The following CATSPERT variants were observed in gnomAD, a reference collection of about 807,000 sequenced individuals.
CATSPERT encodes the protein catsper channel auxiliary subunit tau.
the CATSPERT span, among the ~76,000 whole-genome samples, chr2:201,609,550 G>C: frequency 6.6e-6 from 1 of 152,158 alleles, no homozygotes; most frequent in Non-Finnish European, 1.5e-5. Context: ...TTTGGAAACT[G>C]TACAAACACA....
chr2:201,493,877 T>C, the CATSPERT span: 1 of 1,537,040 alleles, frequency 6.5e-7, no homozygotes, highest in Admixed American at 2.0e-5. Context: ...AAGTGTTTTT[T>C]AGAGACATGT....
chr2:201,574,963 T>C, the CATSPERT span, among the ~76,000 whole-genome samples: 8 of 150,694 alleles, frequency 5.3e-5, no homozygotes, highest in African/African-American at 1.7e-4. Context: ...AGGCTATGCA[T>C]GTCAAGGCAG....
At chr2:201,588,278 CA>C in the CATSPERT span, among the ~76,000 whole-genome samples, 57 of 152,102 alleles carry the variant, frequency 3.7e-4, no homozygotes, top group Middle Eastern at 3.4e-3. Flanking sequence ...AGCAGCAGAT[CA>C]AAAAGCTTGC....
At chr2:201,501,137 G>C in the CATSPERT span, among the ~76,000 whole-genome samples, 1 of 151,996 alleles carries the variant, frequency 6.6e-6, no homozygotes, top group African/African-American at 2.4e-5. Flanking sequence ...GGTGGCTTAT[G>C]CCTGTAATCC....
At chr2:201,539,518 T>TTG in the CATSPERT span, among the ~76,000 whole-genome samples, 2 of 145,252 alleles carry the variant, frequency 1.4e-5, no homozygotes, top group East Asian at 2.1e-4. Flanking sequence ...GAGGTTTTTT[T>TTG]TTTTTTTTTT....
chr2:201,515,105 T>A, the CATSPERT span, among the ~76,000 whole-genome samples: 19,929 of 151,042 alleles, frequency 0.13, 1,877 homozygotes, highest in East Asian at 0.27. Flanking sequence ...GTACATATGG[T>A]CTTTCACACT....
chr2:201,601,859 T>A, the CATSPERT span: 112 of 1,603,044 alleles, frequency 7.0e-5, no homozygotes, highest in Non-Finnish European at 8.8e-5. Context: ...TGCGAATGAA[T>A]AAATTAGCAT....
At chr2:201,511,472 T>C in the CATSPERT span, among the ~76,000 whole-genome samples, 3 of 152,162 alleles carry the variant, frequency 2.0e-5, no homozygotes, top group Non-Finnish European at 4.4e-5. Context: ...AACCTAAATA[T>C]TTCTGCCTGT....
chr2:201,541,600 C>T, the CATSPERT span, among the ~76,000 whole-genome samples: 200 of 132,552 alleles, frequency 1.5e-3, no homozygotes, highest in African/African-American at 5.2e-3. Flanking sequence ...AAAACCCATA[C>T]ATATATATAT....
the CATSPERT span, among the ~76,000 whole-genome samples, chr2:201,524,163 T>C: frequency 1.3e-5 from 2 of 151,844 alleles, no homozygotes; most frequent in Non-Finnish European, 1.5e-5. Context: ...CCAAGACATA[T>C]AGTCATCAGA....
chr2:201,611,065 G>C, the CATSPERT span, among the ~76,000 whole-genome samples: 7 of 152,086 alleles, frequency 4.6e-5, no homozygotes, highest in African/African-American at 1.2e-4. Flanking sequence ...ACTAGAATAA[G>C]ACAAGAATGC....
the CATSPERT span, among the ~76,000 whole-genome samples, chr2:201,612,791 C>T: frequency 1.3e-5 from 2 of 152,126 alleles, no homozygotes; most frequent in Non-Finnish European, 2.9e-5. Context: ...TGGGGAATTC[C>T]CTTTCCTAGC....
At chr2:201,488,539 G>T in the CATSPERT span, among the ~76,000 whole-genome samples, 1 of 152,160 alleles carries the variant, frequency 6.6e-6, no homozygotes, top group African/African-American at 2.4e-5. Flanking sequence ...ATATACCATA[G>T]TAAATGATTC....
At chr2:201,495,954 T>G in the CATSPERT span, 183 of 1,593,688 alleles carry the variant, frequency 1.1e-4, no homozygotes, top group Non-Finnish European at 1.5e-4. Context: ...TTATATTCTT[T>G]TGGTGAAAAA....
At chr2:201,599,323 T>G in the CATSPERT span, among the ~76,000 whole-genome samples, 6 of 152,282 alleles carry the variant, frequency 3.9e-5, no homozygotes, top group African/African-American at 1.4e-4. Context: ...AAGTTTTGCC[T>G]TCATGTTTCT....
At chr2:201,498,048 G>C in the CATSPERT span, among the ~76,000 whole-genome samples, 13 of 152,084 alleles carry the variant, frequency 8.5e-5, no homozygotes, top group Non-Finnish European at 1.5e-4. Flanking sequence ...AATCAGGGGG[G>C]TCTGAGAAGC....
chr2:201,553,307 T>C, the CATSPERT span: 3 of 152,204 alleles, frequency 2.0e-5, no homozygotes, highest in Non-Finnish European at 4.4e-5. Context: ...CGCAAACATA[T>C]ACTTCAAGCT....
the CATSPERT span, among the ~76,000 whole-genome samples, chr2:201,506,797 CCT>C: frequency 6.6e-6 from 1 of 152,190 alleles, no homozygotes; most frequent in African/African-American, 2.4e-5. Context: ...TCGTGATCCC[CCT>C]GTCCCAGCTT....
the CATSPERT span, among the ~76,000 whole-genome samples, chr2:201,595,644 G>A: frequency 0.87 from 132,068 of 151,128 alleles, 58,859 homozygotes; most frequent in South Asian, 0.98. Flanking sequence ...CAGTCTGCCC[G>A]TTCTCAGATC....
Sources: gnomAD v4.1 joint callset for allele counts (sites outside exome capture counted in the v4.1 genomes callset) on GRCh38, gnomAD v4.1.1 for gene constraint, MANE v1.5 for transcripts, NCBI Gene and HGNC (gene_info 2026-07-23, HGNC 2026-07-21) for gene names.